FNDC1: variants seen among roughly 807,000 people sequenced by gnomAD.
The protein encoded by FNDC1 is fibronectin type III domain-containing protein 1.
A neutral mutation model predicts 168.0 loss-of-function variants in FNDC1; 96 were observed. That is an observed-to-expected ratio of 0.57 (90% confidence interval 0.48 to 0.68). The LOEUF is 0.68. Ranked by LOEUF, FNDC1 falls within the 30% of genes least tolerant of loss-of-function variation. FNDC1 has a pLI of 0.00. For missense variants in FNDC1, 2,587 were observed against 2,482.1 expected, an observed-to-expected ratio of 1.04 and a Z score of -0.90; for synonymous variants, 1,099 against 1,025.9, an observed-to-expected ratio of 1.07 and a Z score of -1.36.
At chr6:159,252,889 T>G (rs12210920) in intron 17 of FNDC1, among the ~76,000 whole-genome samples, 5 of 152,324 alleles carry the variant, frequency 3.3e-5, no homozygotes, top group African/African-American at 7.2e-5. Flanking sequence ...CTAAGAAACA[T>G]TGGCTGCAGA....
In FNDC1 at chr6:159,221,644, G is replaced by C. The variant is rs772284449; in HGVS notation, c.714G>C (p.Gln238His). Reference sequence around the variant, plus strand: ...TCTCCCTGCAGTCCATGAACTCTCAGGGCCGGAGCCAACCAGTCTACAGGG... The same window carrying C: ...TCTCCCTGCAGTCCATGAACTCTCACGGCCGGAGCCAACCAGTCTACAGGG... ...YVVSLQSMNS[Q>H]GRSQPVYRAA... Residue 238 changes from glutamine to histidine, a missense_variant, in exon 6 of 23, where the codon CAG (glutamine) becomes CAC (histidine). Physicochemically the swap from Gln to His is conservative, Grantham distance 24 (BLOSUM62 0). Transcript: ENST00000297267. 2 of 1,614,050 alleles carry C rather than the reference G, an allele frequency of 1.2e-6. No individual in the cohort carries two copies. The highest frequency in any genetic ancestry group is 1.7e-6 in the Non-Finnish European group (2 of 1,179,898).
rs1392999680 is a variant in FNDC1 at position 159,223,601 on chromosome 6, G to T, written c.840G>T (p.Trp280Cys). 1 of 1,613,592 alleles carries T rather than the reference G, an allele frequency of 6.2e-7. No homozygotes were observed. The highest frequency in any genetic ancestry group is 1.3e-5 in the African/African-American group (1 of 74,992). ...CATCTCAGTCTGTGCTTGTGTCCTGGGTGGATCCTGTTCTGGAAAAACAGA... is the reference window on the plus strand; with the variant it reads ...CATCTCAGTCTGTGCTTGTGTCCTGTGTGGATCCTGTTCTGGAAAAACAGA... ...VMSSQSVLVS[W>C]VDPVLEKQKK... Residue 280 changes from tryptophan to cysteine, a missense_variant, in exon 7 of 23, where the codon TGG becomes TGT. Physicochemically the swap from Trp to Cys is radical, Grantham distance 215. Transcript: ENST00000297267.
chr6:159,233,180 G>A lies in FNDC1; in HGVS notation c.2668G>A (p.Val890Ile), dbSNP rs200381938. Reference protein sequence around the residue: ...EDEKPLPATVVNDHVPSSSRQ... With the variant: ...EDEKPLPATVINDHVPSSSRQ... ...TGAGAAGCCGCTTCCTGCCACCGTT[G>A]TCAATGACCACGTGCCTTCCTCCTC... The change falls in exon 11 of 23, where the codon GTC becomes ATC. Residue 890 changes from valine (V) to isoleucine (I), a missense_variant. Coordinates refer to ENST00000297267, the MANE Select transcript of FNDC1 (RefSeq NM_032532.3). The surrounding 1 kb of genome is among the most constrained non-coding windows in gnomAD (Gnocchi z 4.6). The A allele has an allele frequency of 4.3e-5, 69 of 1,611,016 alleles. No homozygotes were observed. Among genetic ancestry groups the A allele is most frequent in the Middle Eastern group, 3.3e-4 (2 of 6,060 alleles).
intron 5 of FNDC1, among the ~76,000 whole-genome samples, chr6:159,221,128 G>C (rs1485400679): frequency 6.6e-6 from 1 of 152,136 alleles, no homozygotes; most frequent in Non-Finnish European, 1.5e-5. Flanking sequence ...AGAAAGACCT[G>C]GGCTACTCAT....
intron 17 of FNDC1, among the ~76,000 whole-genome samples, chr6:159,255,132 C>T (rs1215884849): frequency 3.9e-5 from 6 of 152,188 alleles, no homozygotes; most frequent in Admixed American, 2.0e-4. Flanking sequence ...CTGTCTTTCC[C>T]TTTCTTTTAG....
At chr6:159,256,966 T>C (rs973107791) in intron 18 of FNDC1, among the ~76,000 whole-genome samples, 16 of 152,244 alleles carry the variant, frequency 1.1e-4, no homozygotes, top group African/African-American at 3.4e-4. Context: ...CATCATGACC[T>C]TCATATGTGA....
intron 4 of FNDC1, among the ~76,000 whole-genome samples, chr6:159,212,464 G>A (rs1473619930): frequency 6.6e-6 from 1 of 152,066 alleles, no homozygotes; most frequent in African/African-American, 2.4e-5. Flanking sequence ...ATTACCAGAT[G>A]ATCTATCAAA....
intron 12 of FNDC1, 105 bp from the exon 13 acceptor site, chr6:159,238,449 C>T (rs419836): frequency 0.87 from 603,570 of 694,678 alleles, 264,004 homozygotes; most frequent in Middle Eastern, 0.91. Flanking sequence ...ACTCACATTA[C>T]GGTTTCCTTC....
At chr6:159,268,991 TATCC>T (rs199923245) in intron 22 of FNDC1, among the ~76,000 whole-genome samples, 7,130 of 130,370 alleles carry the variant, frequency 0.055, 193 homozygotes, top group Non-Finnish European at 0.066. Flanking sequence ...TGTATCTATT[TATCC>T]ATCCATCCAT....
At position 159,256,611 on chromosome 6, in the gene FNDC1, G is replaced by A. The variant is rs771339123; in HGVS notation, c.5154G>A (p.Glu1718=). The change falls in exon 18 of 23, where the codon GAG becomes GAA. Residue 1718 remains glutamate, a synonymous_variant. Transcript: ENST00000297267. ...CATCAGTAACTCACTTGCCCATTGA[G>A]AACCTAAAGCCCAACACGAGGTACG... The part of the protein sequence containing the change: ...QASSVTHLPI[E]NLKPNTRYYF... 2 of 1,613,340 alleles carry A rather than the reference G, an allele frequency of 1.2e-6. No individual in the cohort carries two copies. Among genetic ancestry groups the A allele is most frequent in the Admixed American group, 3.3e-5 (2 of 60,014 alleles).
At chr6:159,268,867 T>C (rs562719427) in intron 22 of FNDC1, among the ~76,000 whole-genome samples, 168 of 149,806 alleles carry the variant, frequency 1.1e-3, no homozygotes, top group African/African-American at 3.7e-3. Flanking sequence ...TATCTATCCA[T>C]ACTGTCTATC....
chr6:159,205,952 C>T (rs527755863), intron 4 of FNDC1, among the ~76,000 whole-genome samples: 1 of 149,418 alleles, frequency 6.7e-6, no homozygotes, highest in Non-Finnish European at 1.5e-5. Flanking sequence ...AAAGACTCAT[C>T]CCCAGTGATA....
intron 5 of FNDC1, among the ~76,000 whole-genome samples, chr6:159,215,994 C>G (rs1357358745): frequency 6.6e-6 from 1 of 151,950 alleles, no homozygotes; most frequent in Non-Finnish European, 1.5e-5. Flanking sequence ...CGAAGTCTTG[C>G]TCTGTCTCCC....
chr6:159,247,693 G>T (rs1741666211), intron 15 of FNDC1, among the ~76,000 whole-genome samples: 2 of 151,148 alleles, frequency 1.3e-5, no homozygotes, highest in Admixed American at 6.6e-5. Flanking sequence ...GAGCTATGAT[G>T]GCACCACTGC....
intron 1 of FNDC1, among the ~76,000 whole-genome samples, chr6:159,182,130 G>A (rs1481770317): frequency 2.0e-5 from 3 of 152,170 alleles, no homozygotes; most frequent in Admixed American, 6.5e-5. Context: ...TTTCACAGCT[G>A]CATCATGACT....
rs73023739 is a variant in FNDC1 at position 159,236,708 on chromosome 6, C to T, written c.4068+393C>T. ...GTTTATTGTTTGATTAAACATTACA[C>T]ATATTTTCTGTAAGTCATCTCAAAT... On this transcript the variant is annotated intron_variant, in intron 12 of 22. Transcript: ENST00000297267. Among the ~76,000 whole-genome samples the T allele has an allele frequency of 1.8e-3, 267 of 152,284 alleles. 2 individuals are homozygous for T. Among genetic ancestry groups the T allele is most frequent in the Non-Finnish European group, 2.7e-3 (187 of 68,024 alleles).
Position 159,232,050 on chromosome 6 carries a change from T to C in FNDC1, c.1538T>C (p.Ile513Thr). 1 of 1,613,756 alleles carries C rather than the reference T, an allele frequency of 6.2e-7. No individual in the cohort carries two copies. The change falls in exon 11 of 23, where the codon ATA (isoleucine) becomes ACA (threonine). Residue 513 changes from isoleucine to threonine, a missense_variant. Ile to Thr is a moderately conservative substitution (Grantham distance 89). Coordinates refer to ENST00000297267, the MANE Select transcript of FNDC1 (RefSeq NM_032532.3). This position sits in a 1 kb window ranked among gnomAD's most constrained non-coding sequence, Gnocchi z 4.9. The part of the protein sequence containing the change: ...KDLLLDLKNK[I>T]LANGGAPRKP... ...CTTCTTCTTGACTTGAAGAACAAAATATTGGCTAATGGTGGGGCGCCCCGA... is the reference window on the plus strand; with the variant it reads ...CTTCTTCTTGACTTGAAGAACAAAACATTGGCTAATGGTGGGGCGCCCCGA...
At chr6:159,230,369 G>A (rs1783055540) in intron 10 of FNDC1, among the ~76,000 whole-genome samples, 1 of 152,088 alleles carries the variant, frequency 6.6e-6, no homozygotes, top group South Asian at 2.1e-4. Flanking sequence ...CTTTAAAAAT[G>A]TTTAGTTTGC....
At chr6:159,226,671 G>T in intron 9 of FNDC1, 91 bp downstream of exon 9, 1 of 976,764 alleles carries the variant, frequency 1.0e-6, no homozygotes, top group African/African-American at 1.7e-5. Context: ...AAGAAATAGG[G>T]AAGCAACATA....
Sources: gnomAD v4.1 joint callset for allele counts (sites outside exome capture counted in the v4.1 genomes callset) on GRCh38, gnomAD v4.1.1 for gene constraint, Gnocchi (gnomAD v3.1) non-coding constraint, MANE v1.5 for transcripts, NCBI Gene and HGNC (gene_info 2026-07-23, HGNC 2026-07-21) for gene names.